The following SOCS2 variants were observed in gnomAD, a reference collection of about 807,000 sequenced individuals.
The protein encoded by SOCS2 is suppressor of cytokine signaling 2.
In SOCS2, 10 loss-of-function variants were observed where a neutral mutation model predicts 18.6. That is an observed-to-expected ratio of 0.54 (90% CI 0.33 to 0.91). The LOEUF (loss-of-function observed/expected upper bound fraction) is 0.91. SOCS2 is among the 40% of genes least tolerant of loss of function. The pLI, the probability that SOCS2 is intolerant of heterozygous loss-of-function variation, is 0.02. For synonymous variants in SOCS2, 104 were observed against 104.0 expected (o/e 1.00, Z 0.00); for missense variants, 231 against 247.2 (o/e 0.93, Z 0.44).
the SOCS2 span, among the ~76,000 whole-genome samples, chr12:93,589,649 G>T: frequency 6.6e-6 from 1 of 152,222 alleles, no homozygotes; most frequent in African/African-American, 2.4e-5. Flanking sequence ...ATGTTGCAGT[G>T]TAGCTTAGTA....
downstream of SOCS2, among the ~76,000 whole-genome samples, chr12:93,580,884 G>T (rs772827932): frequency 8.5e-5 from 13 of 152,166 alleles, no homozygotes; most frequent in Non-Finnish European, 1.6e-4. Context: ...GGAATAAGAG[G>T]CAGAGAGACT....
At chr12:93,607,450 T>A in the SOCS2 span, among the ~76,000 whole-genome samples, 1 of 152,144 alleles carries the variant, frequency 6.6e-6, no homozygotes, top group Non-Finnish European at 1.5e-5. Context: ...CATTTGACAT[T>A]TTTCAAGGTC....
chr12:93,572,189 T>A (rs919438954), upstream of SOCS2: 1 of 169,914 alleles, frequency 5.9e-6, no homozygotes, highest in African/African-American at 2.4e-5. This position sits in a 1 kb window ranked among gnomAD's most constrained non-coding sequence, Gnocchi z 5.0. Flanking sequence ...CACCCCGGGT[T>A]GGTGCCTCGG....
At chr12:93,583,016 T>C (rs1156986092) in intron 1 of SOCS2, 1 of 151,948 alleles carries the variant, frequency 6.6e-6, no homozygotes, top group Admixed American at 6.6e-5. Flanking sequence ...TTTTTTTTTT[T>C]TCACAGCCAG....
At chr12:93,579,889 T>A (rs1954515118), downstream of SOCS2, among the ~76,000 whole-genome samples, 1 of 152,208 alleles carries the variant, frequency 6.6e-6, no homozygotes, top group Non-Finnish European at 1.5e-5. Context: ...CATGCATTTG[T>A]AAAGATAAAA....
the SOCS2 span, among the ~76,000 whole-genome samples, chr12:93,614,471 CTT>C: frequency 4.4e-4 from 35 of 80,284 alleles, no homozygotes; most frequent in Middle Eastern, 6.8e-3. Context: ...TCCTTCCTTC[CTT>C]CCTTCCTTTC....
downstream of SOCS2, among the ~76,000 whole-genome samples, chr12:93,577,241 T>A (rs117914504): frequency 5.1e-3 from 779 of 152,328 alleles, 3 homozygotes; most frequent in Non-Finnish European, 7.9e-3. Flanking sequence ...CACAAACATC[T>A]CTGGAGTGTG....
chr12:93,585,494 C>T (rs930177813), downstream of SOCS2, among the ~76,000 whole-genome samples: 9 of 152,160 alleles, frequency 5.9e-5, no homozygotes, highest in Non-Finnish European at 8.8e-5. Context: ...GCACAGTTCT[C>T]CCCTGTGCCA....
At chr12:93,579,512 A>T (rs76327742), downstream of SOCS2, among the ~76,000 whole-genome samples, 1,989 of 152,124 alleles carry the variant, frequency 0.013, 49 homozygotes, top group African/African-American at 0.046. Context: ...GTGTTAAGTT[A>T]ACCTTCATTT....
chr12:93,572,649 T>G, upstream of SOCS2: 80 of 641,886 alleles, frequency 1.2e-4, no homozygotes, highest in East Asian at 3.5e-4. This position sits in a 1 kb window ranked among gnomAD's most constrained non-coding sequence, Gnocchi z 5.0. Context: ...AGGGGTCCAG[T>G]TTGGACTGAC....
the SOCS2 span, among the ~76,000 whole-genome samples, chr12:93,610,047 T>C: frequency 6.6e-6 from 1 of 152,228 alleles, no homozygotes; most frequent in Admixed American, 6.5e-5. Flanking sequence ...CCTCATGATC[T>C]AATCACCTTT....
the SOCS2 span, among the ~76,000 whole-genome samples, chr12:93,621,309 G>A: frequency 6.6e-6 from 1 of 151,584 alleles, no homozygotes; most frequent in African/African-American, 2.4e-5. Context: ...AGCACCTGAG[G>A]GGATGTTGGG....
At chr12:93,579,373 C>T (rs569079734), downstream of SOCS2, among the ~76,000 whole-genome samples, 2 of 152,194 alleles carry the variant, frequency 1.3e-5, no homozygotes, top group Admixed American at 6.5e-5. Context: ...AAGATTAAAT[C>T]TCTTTGTATC....
the SOCS2 span, among the ~76,000 whole-genome samples, chr12:93,604,027 A>G: frequency 6.6e-6 from 1 of 152,196 alleles, no homozygotes; most frequent in Non-Finnish European, 1.5e-5. Flanking sequence ...TACACAGAAC[A>G]CCCACATGGA....
At chr12:93,587,847 T>A (rs550177365), downstream of SOCS2, among the ~76,000 whole-genome samples, 3 of 152,164 alleles carry the variant, frequency 2.0e-5, no homozygotes, top group Non-Finnish European at 4.4e-5. Context: ...GAGATAACCC[T>A]AAGTTGGTGG....
chr12:93,625,565 T>C, the SOCS2 span, among the ~76,000 whole-genome samples: 1 of 151,928 alleles, frequency 6.6e-6, no homozygotes, highest in Admixed American at 6.6e-5. Context: ...CTGGCCAACA[T>C]GGTGAAACCC....
chr12:93,607,037 C>G, the SOCS2 span, among the ~76,000 whole-genome samples: 1 of 152,190 alleles, frequency 6.6e-6, no homozygotes, highest in East Asian at 1.9e-4. Context: ...AACTGGGGAC[C>G]TAGACCAGGG....
the SOCS2 span, among the ~76,000 whole-genome samples, chr12:93,615,365 G>A: frequency 3.3e-5 from 5 of 152,304 alleles, no homozygotes; most frequent in Non-Finnish European, 5.9e-5. Flanking sequence ...TCTCTCCACT[G>A]GCACCAATCT....
At chr12:93,586,116 A>G (rs10859535), downstream of SOCS2, among the ~76,000 whole-genome samples, 27,733 of 152,074 alleles carry the variant, frequency 0.18, 2,891 homozygotes, top group East Asian at 0.32. Flanking sequence ...ACCCACGGGT[A>G]CAGAGGACTG....
Sources: allele counts gnomAD v4.1 joint callset (sites outside exome capture counted in the v4.1 genomes callset), GRCh38; gene constraint gnomAD v4.1.1; non-coding constraint Gnocchi (gnomAD v3.1); transcripts MANE v1.5; gene names NCBI Gene and HGNC (gene_info 2026-07-23, HGNC 2026-07-21).